Variants in MTREX observed in about 807,000 individuals in gnomAD.
The protein encoded by MTREX is exosome RNA helicase MTR4.
MTREX carries 76 observed loss-of-function variants against 135.4 expected under a neutral mutation model. The ratio of observed to expected loss-of-function variants is 0.56; its 90% CI spans 0.47 to 0.68. The LOEUF is 0.68. Among genes scored for constraint, MTREX ranks in the 30% least tolerant of loss-of-function variants. The pLI is 0.00. For synonymous variants in MTREX, 404 were observed against 401.6 expected (o/e 1.01, Z -0.07); for missense variants, 920 against 1,262.1 (o/e 0.73, Z 4.11).
At chr5:55,311,637 A>G (rs1344863950) in intron 1 of MTREX, among the ~76,000 whole-genome samples, 1 of 152,210 alleles carries the variant, frequency 6.6e-6, no homozygotes, top group East Asian at 1.9e-4. Flanking sequence ...TTGTGACATA[A>G]TAGCCACTAT....
chr5:55,405,514 T>C lies in MTREX; in HGVS notation c.2571T>C (p.Val857=). Residue 857 remains valine (V), a synonymous_variant, in exon 22 of 27, where the codon GTT becomes GTC. Transcript: ENST00000230640. ...ATGAACTCAAATGTCGCAAACGTGT[T>C]TTAAGAAGGTTGGGATTTGCTACTT... is the stretch of plus-strand genomic sequence containing the variant. ...QMDELKCRKR[V]LRRLGFATSS... The C allele has an allele frequency of 6.2e-7, 1 of 1,614,050 alleles. No homozygotes were observed. Among genetic ancestry groups the C allele is most frequent in the Non-Finnish European group, 8.5e-7 (1 of 1,179,920 alleles).
At chr5:55,373,471 T>C (rs1358759668) in intron 16 of MTREX, among the ~76,000 whole-genome samples, 1 of 152,122 alleles carries the variant, frequency 6.6e-6, no homozygotes, top group African/African-American at 2.4e-5. Flanking sequence ...AATTTATTTG[T>C]TGAGGAAGAT....
At chr5:55,380,637 T>C (rs1750381500) in intron 18 of MTREX, among the ~76,000 whole-genome samples, 1 of 152,228 alleles carries the variant, frequency 6.6e-6, no homozygotes, top group Admixed American at 6.5e-5. Flanking sequence ...CAGTTTGTCA[T>C]GATATATTAT....
intron 3 of MTREX, among the ~76,000 whole-genome samples, chr5:55,326,637 A>G (rs1180856227): frequency 6.6e-6 from 1 of 152,048 alleles, no homozygotes; most frequent in Non-Finnish European, 1.5e-5. Flanking sequence ...CAGACTAAGG[A>G]TGGTTGTTCT....
intron 1 of MTREX, among the ~76,000 whole-genome samples, chr5:55,315,533 C>T (rs541330895): frequency 4.0e-5 from 6 of 151,846 alleles, no homozygotes; most frequent in South Asian, 4.2e-4. Context: ...ATATATTTTT[C>T]GAGACAGACA....
chr5:55,389,392 A>G (rs1047156497), intron 19 of MTREX, among the ~76,000 whole-genome samples: 7 of 152,212 alleles, frequency 4.6e-5, no homozygotes, highest in African/African-American at 1.7e-4. Context: ...AGAAAATTAT[A>G]TAGGCAGTCA....
intron 12 of MTREX, 82 bp downstream of exon 12, chr5:55,349,734 T>A: frequency 1.3e-6 from 1 of 765,802 alleles, no homozygotes; most frequent in Non-Finnish European, 2.3e-6. Flanking sequence ...GTTTTATTAC[T>A]CTATTGCACT....
rs1561210638 is a variant in MTREX at position 55,405,552 on chromosome 5, T to C, written c.2609T>C (p.Ile870Thr). The C allele has an allele frequency of 5.0e-6, 8 of 1,613,690 alleles. No homozygotes were observed. Among genetic ancestry groups the C allele is most frequent in the Non-Finnish European group, 6.8e-6 (8 of 1,179,708 alleles). ...GGATTTGCTACTTCTTCTGATGTAA[T>C]AGAGATGAAAGGACGAGTGGCTTGT... The part of the protein sequence containing the change: ...RLGFATSSDV[I>T]EMKGRVACEI... The change falls in exon 22 of 27, where the codon ATA becomes ACA. Residue 870 changes from isoleucine (I) to threonine (T), a missense_variant. Coordinates refer to ENST00000230640, the MANE Select transcript of MTREX (RefSeq NM_015360.5).
At chr5:55,349,252 T>C (rs1388586297) in intron 11 of MTREX, among the ~76,000 whole-genome samples, 1 of 151,008 alleles carries the variant, frequency 6.6e-6, no homozygotes, top group Admixed American at 6.6e-5. Flanking sequence ...AGTGGTGCGA[T>C]CATGGCTCAC....
chr5:55,396,252 T>A (rs565796142), intron 19 of MTREX, among the ~76,000 whole-genome samples: 2 of 152,324 alleles, frequency 1.3e-5, no homozygotes, highest in South Asian at 4.1e-4. Context: ...AAATCCAGTT[T>A]ATGATCCTTG....
chr5:55,345,830 G>T (rs529260345), intron 10 of MTREX, among the ~76,000 whole-genome samples: 105 of 151,982 alleles, frequency 6.9e-4, no homozygotes, highest in Non-Finnish European at 1.3e-3. Context: ...ACCATGCCTG[G>T]ATAATTTTTG....
At chr5:55,313,293 A>G (rs1749145388) in intron 1 of MTREX, among the ~76,000 whole-genome samples, 1 of 149,120 alleles carries the variant, frequency 6.7e-6, no homozygotes, top group African/African-American at 2.5e-5. Flanking sequence ...AAAAAAAATT[A>G]GCTGGGTCTT....
chr5:55,319,068 G>A (rs1414092289), intron 1 of MTREX, among the ~76,000 whole-genome samples: 2 of 152,090 alleles, frequency 1.3e-5, no homozygotes, highest in Non-Finnish European at 2.9e-5. Context: ...ATATGTGTAT[G>A]TTTGTGGATA....
At chr5:55,393,158 T>C (rs1750596701) in intron 19 of MTREX, among the ~76,000 whole-genome samples, 1 of 152,240 alleles carries the variant, frequency 6.6e-6, no homozygotes, top group Non-Finnish European at 1.5e-5. Flanking sequence ...TGGAGTAGGA[T>C]AAGTTAAATT....
chr5:55,344,701 G>T, intron 9 of MTREX, 81 bp downstream of exon 9: 1 of 771,778 alleles, frequency 1.3e-6, no homozygotes, highest in Non-Finnish European at 2.0e-6. Flanking sequence ...TTTAAATTTT[G>T]AATTAGAGAA....
rs375126332 is a variant in MTREX, at chr5:55,340,717, G to T, written c.690+533G>T. On this transcript the variant is annotated intron_variant, in intron 6 of 26. Transcript: ENST00000230640. ...CTGCCTCAGCCTCCTGAATAGCTGG[G>T]ACTACAGGCGCCCGCCACCATGCCC... Among the ~76,000 whole-genome samples, 890 of 152,254 alleles carry T rather than the reference G, an allele frequency of 5.8e-3. 8 individuals carry two copies. The highest frequency in any genetic ancestry group is 0.021 in the African/African-American group (857 of 41,550).
chr5:55,328,893 G>A (rs532252329), intron 5 of MTREX, 82 bp downstream of exon 5: 3 of 807,114 alleles, frequency 3.7e-6, no homozygotes, highest in Admixed American at 4.7e-5. Flanking sequence ...ATTTCTGCTA[G>A]TGAAGATGGT....
At chr5:55,355,594 C>T (rs1749898664) in intron 14 of MTREX, among the ~76,000 whole-genome samples, 2 of 152,162 alleles carry the variant, frequency 1.3e-5, no homozygotes, top group Non-Finnish European at 2.9e-5. Flanking sequence ...ACCCTGCCAC[C>T]AGCATGGCCA....
intron 1 of MTREX, among the ~76,000 whole-genome samples, chr5:55,320,916 T>C (rs34410424): frequency 0.018 from 2,670 of 152,270 alleles, 119 homozygotes; most frequent in Admixed American, 0.097. Flanking sequence ...TTTCTTCATA[T>C]GCTTTGACCA....
Sources: gnomAD v4.1 joint callset for allele counts (sites outside exome capture counted in the v4.1 genomes callset) on GRCh38, gnomAD v4.1.1 for gene constraint, MANE v1.5 for transcripts, NCBI Gene and HGNC (gene_info 2026-07-23, HGNC 2026-07-21) for gene names.